KAT6A: variants seen among roughly 807,000 people sequenced by gnomAD.
KAT6A encodes histone acetyltransferase KAT6A.
Under a neutral mutation model 198.4 loss-of-function variants are expected in KAT6A, and 9 were observed. The ratio of observed to expected loss-of-function variants is 0.05; its 90% CI spans 0.03 to 0.08. KAT6A has a LOEUF of 0.08. KAT6A is among the 10% of genes least tolerant of loss of function. KAT6A has a pLI of 1.00. For synonymous variants in KAT6A, 890 were observed against 883.0 expected (o/e 1.01, Z -0.14); for missense variants, 2,077 against 2,509.9 (o/e 0.83, Z 3.69).
intron 2 of KAT6A, among the ~76,000 whole-genome samples, chr8:42,023,827 C>CA (rs200728544): frequency 4.8e-3 from 595 of 122,968 alleles, no homozygotes; most frequent in African/African-American, 6.6e-3. Context: ...TTTCTCTATC[C>CA]AAAAAAAAAA....
At position 41,983,632 on chromosome 8, in the gene KAT6A, TTA is replaced by T. The variant is rs575310115; in HGVS notation, c.710-1680_710-1679del. Among the ~76,000 whole-genome samples the T allele has an allele frequency of 3.7e-4, 57 of 152,362 alleles. No homozygotes were observed. The South Asian group carries it at 0.012, about 32-fold the overall frequency. The stretch of plus-strand genomic sequence containing the variant: ...CAGATTCTTTACTTCTTTTAATCCC[TTA>T]GAATGAATTCCTGAAAGTGGGATTG... On this transcript the variant is annotated intron_variant, in intron 3 of 16. Coordinates refer to ENST00000265713, the MANE Select transcript of KAT6A (RefSeq NM_006766.5).
chr8:42,040,332 G>C (rs1263867265), intron 2 of KAT6A, among the ~76,000 whole-genome samples: 1 of 152,148 alleles, frequency 6.6e-6, no homozygotes, highest in Non-Finnish European at 1.5e-5. Context: ...GCCATTTGTG[G>C]TACCCGATGT....
At chr8:41,958,458 A>C (rs1202933422) in intron 8 of KAT6A, 4 of 152,228 alleles carry the variant, frequency 2.6e-5, no homozygotes, top group African/African-American at 9.6e-5. Flanking sequence ...ACATGGGTTG[A>C]GATGTGACGG....
At chr8:42,010,622 TC>T (rs1825978497) in intron 2 of KAT6A, among the ~76,000 whole-genome samples, 1 of 152,126 alleles carries the variant, frequency 6.6e-6, no homozygotes, top group East Asian at 1.9e-4. Context: ...GATTATCACC[TC>T]CCCATCACTG....
rs1343391174 is a variant in KAT6A at position 42,040,505 on chromosome 8, G to A, written c.600+7873C>T. Among the ~76,000 whole-genome samples, 6 of 151,936 alleles carry A rather than the reference G, an allele frequency of 3.9e-5. No homozygotes were observed. In the East Asian group the frequency reaches 5.8e-4, roughly 15 times the overall value. On this transcript the variant is annotated intron_variant, in intron 2 of 16. Transcript: ENST00000265713. ...TCCCAGCACTTTGGGAGGCCAAGGC[G>A]GGTGGATCACCTGAGGTCAGGAGTT... is the stretch of plus-strand genomic sequence containing the variant.
chr8:41,980,971 C>T (rs1212121233), intron 4 of KAT6A, 44 bp from the exon 5 acceptor site: 2 of 1,306,014 alleles, frequency 1.5e-6, no homozygotes, highest in South Asian at 1.2e-5. Context: ...CCTTATGAAG[C>T]AGAAACATGT....
chr8:42,012,741 T>C (rs918917898), intron 2 of KAT6A, among the ~76,000 whole-genome samples: 1 of 152,214 alleles, frequency 6.6e-6, no homozygotes, highest in Non-Finnish European at 1.5e-5. Flanking sequence ...CTGTACTATA[T>C]TCACACAAAA....
chr8:42,008,060 T>C (rs1825838103), intron 2 of KAT6A, among the ~76,000 whole-genome samples: 1 of 152,116 alleles, frequency 6.6e-6, no homozygotes, highest in Non-Finnish European at 1.5e-5. Flanking sequence ...TTACTTCATT[T>C]TATTGATAAG....
At chr8:42,011,555 T>A (rs1286298395) in intron 2 of KAT6A, among the ~76,000 whole-genome samples, 1 of 151,990 alleles carries the variant, frequency 6.6e-6, no homozygotes, top group African/African-American at 2.4e-5. Flanking sequence ...CTGACCAACA[T>A]GGAGAAACCC....
At position 42,032,034 on chromosome 8, in the gene KAT6A, G is replaced by A. The variant is rs563099018; in HGVS notation, c.600+16344C>T. ...AAGCTTCACCTCCCGGGTTCACGCCGTTCTCCTGCCTCAGCCTCCCGAGTA... is the reference window on the plus strand; with the variant it reads ...AAGCTTCACCTCCCGGGTTCACGCCATTCTCCTGCCTCAGCCTCCCGAGTA... On this transcript the variant is annotated intron_variant, in intron 2 of 16. Transcript: ENST00000265713. 1.1e-4 allele frequency among the ~76,000 whole-genome samples: 17 copies of A among 151,082 alleles called. No homozygotes were observed. The East Asian group carries it at 2.5e-3, about 22-fold the overall frequency.
In KAT6A at chr8:41,932,399, C is replaced by G. The variant is rs1168587189; in HGVS notation, c.5821G>C (p.Ala1941Pro). 1 of 1,614,086 alleles carries G rather than the reference C, an allele frequency of 6.2e-7. No individual in the cohort carries two copies. The highest frequency in any genetic ancestry group is 1.7e-5 in the Admixed American group (1 of 60,010). ...TACTGTGCTGTCTGGTTCATGTAGG[C>G]AGGGTTACTATGGTAACTGCTGTTC... ...MMNSSYHSNP[A>P]YMNQTAQYPM... Residue 1941 changes from alanine to proline, a missense_variant, in exon 17 of 17, where the codon GCC becomes CCC. Ala to Pro is a conservative substitution (Grantham distance 27). Around this residue, in one of 13 missense-constraint regions of KAT6A, gnomAD observed 500 missense variants for 577.2 expected, o/e 0.87. Transcript: ENST00000265713.
At chr8:42,022,855 C>T (rs1438782630) in intron 2 of KAT6A, among the ~76,000 whole-genome samples, 1 of 152,160 alleles carries the variant, frequency 6.6e-6, no homozygotes, top group African/African-American at 2.4e-5. Context: ...TACAATGAAA[C>T]ATTACTAAGC....
intron 2 of KAT6A, among the ~76,000 whole-genome samples, chr8:42,017,888 C>T (rs1029832637): frequency 5.3e-5 from 8 of 152,188 alleles, no homozygotes; most frequent in Admixed American, 3.3e-4. Context: ...CATCTGTTTA[C>T]TGCTGAACTC....
chr8:42,011,895 G>GAAAAAAAAAAAA (rs35104277), intron 2 of KAT6A, among the ~76,000 whole-genome samples: 1 of 114,294 alleles, frequency 8.7e-6, no homozygotes, highest in Non-Finnish European at 1.9e-5. Context: ...AAAAGAAGAG[G>GAAAAAAAAAAAA]AAAAAAAAAA....
intron 8 of KAT6A, chr8:41,957,429 T>C (rs540314415): frequency 8.5e-5 from 32 of 377,764 alleles, no homozygotes; most frequent in African/African-American, 6.5e-4. Flanking sequence ...AATCAAACTG[T>C]CATATCTGAA....
rs1564014793 is a variant in KAT6A at position 41,946,525 on chromosome 8, C to CAT, written c.1996+65_1996+66insAT. On this transcript the variant is annotated intron_variant, in intron 12 of 16. Coordinates refer to ENST00000265713, the MANE Select transcript of KAT6A (RefSeq NM_006766.5). ...ACACACACACACACACACACACACA[C>CAT]ACACACACACACACACAGAGAAGGT... 33 of 785,102 alleles carry CAT rather than the reference C, an allele frequency of 4.2e-5. 4 individuals are homozygous for CAT. The highest frequency in any genetic ancestry group is 6.1e-5 in the Non-Finnish European group (27 of 444,884). 48.6% of individuals were successfully genotyped at this position (785,102 alleles called of 1,614,324 possible).
intron 15 of KAT6A, among the ~76,000 whole-genome samples, chr8:41,939,660 T>C (rs1413895054): frequency 6.6e-6 from 1 of 152,216 alleles, no homozygotes; most frequent in African/African-American, 2.4e-5. Context: ...TGAGGGATCA[T>C]CTACAAAATA....
chr8:41,991,816 G>C (rs191599135), intron 2 of KAT6A, among the ~76,000 whole-genome samples: 11 of 152,192 alleles, frequency 7.2e-5, no homozygotes, highest in African/African-American at 2.6e-4. Flanking sequence ...AGAAAGTAAG[G>C]AGAGGGGAGT....
At chr8:41,996,667 G>A (rs1001220186) in intron 2 of KAT6A, among the ~76,000 whole-genome samples, 13 of 152,118 alleles carry the variant, frequency 8.5e-5, no homozygotes, top group African/African-American at 2.9e-4. Flanking sequence ...TCTGTCTTGC[G>A]TGCTCGCTTC....
Sources: allele counts gnomAD v4.1 joint callset (sites outside exome capture counted in the v4.1 genomes callset), GRCh38; gene constraint gnomAD v4.1.1; regional missense constraint gnomAD v4.1.1; transcripts MANE v1.5; gene names NCBI Gene and HGNC (gene_info 2026-07-23, HGNC 2026-07-21).